The following DPP10 variants were observed in gnomAD, a reference collection of about 807,000 sequenced individuals.
DPP10 encodes the protein inactive dipeptidyl peptidase 10.
A neutral mutation model predicts 120.9 loss-of-function variants in DPP10; 33 were observed. That is an observed-to-expected ratio of 0.27 (90% confidence interval 0.21 to 0.37). The LOEUF (loss-of-function observed/expected upper bound fraction) is 0.37, where lower values mean the gene tolerates loss of function less well. Ranked by LOEUF, DPP10 falls within the 10% of genes least tolerant of loss-of-function variation. DPP10 has a pLI of 1.00. For synonymous variants in DPP10, 337 were observed against 326.1 expected (o/e 1.03, Z -0.36); for missense variants, 816 against 942.8 (o/e 0.87, Z 1.76).
intron 13 of DPP10, among the ~76,000 whole-genome samples, chr2:115,775,421 A>G (rs1361487725): frequency 6.6e-6 from 1 of 152,066 alleles, no homozygotes; most frequent in East Asian, 1.9e-4. Flanking sequence ...TATTAAAAGA[A>G]TACTATGAAT....
At position 115,840,326 on chromosome 2, in the gene DPP10, T is replaced by TG. The variant is rs1559227870; in HGVS notation, c.2183-424_2183-423insG. Among the ~76,000 whole-genome samples the TG allele has an allele frequency of 2.4e-4, 27 of 112,164 alleles. 2 individuals carry two copies. Among genetic ancestry groups the TG allele is most frequent in the African/African-American group, 1.0e-3 (26 of 25,904 alleles). 73.6% of individuals were successfully genotyped at this position (112,164 alleles called of 152,430 possible). On this transcript the variant is annotated intron_variant, in intron 24 of 25. Transcript: ENST00000410059. ...CAGATATAAGGTTTTTTGGTTTTTT[T>TG]TTTTTTTTTTTTTTTGAGACGGAGT...
intron 1 of DPP10, among the ~76,000 whole-genome samples, chr2:115,169,896 A>AT (rs1014122062): frequency 2.0e-5 from 3 of 152,184 alleles, no homozygotes; most frequent in African/African-American, 7.2e-5. Flanking sequence ...GATAAAAGCT[A>AT]TTTTTATTAT....
chr2:114,813,474 T>A (rs1402156842), intron 1 of DPP10, among the ~76,000 whole-genome samples: 2 of 152,192 alleles, frequency 1.3e-5, no homozygotes, highest in East Asian at 3.9e-4. Context: ...TACTTTGGCT[T>A]GTGCTCTTAG....
chr2:114,702,569 G>A (rs184403140), intron 1 of DPP10, among the ~76,000 whole-genome samples: 97 of 152,100 alleles, frequency 6.4e-4, no homozygotes, highest in Non-Finnish European at 9.6e-4. Context: ...CTGTTACCTC[G>A]TATACTTGGC....
At chr2:114,478,265 A>T (rs1477824006) in intron 1 of DPP10, among the ~76,000 whole-genome samples, 2 of 152,094 alleles carry the variant, frequency 1.3e-5, no homozygotes, top group African/African-American at 4.8e-5. Flanking sequence ...CTGGCTTAAC[A>T]TTCAAAAATC....
At chr2:115,560,445 T>TATATATATATATAC (rs1359773531) in intron 5 of DPP10, among the ~76,000 whole-genome samples, 3 of 86,252 alleles carry the variant, frequency 3.5e-5, no homozygotes, top group South Asian at 4.4e-4. Context: ...TATATATATA[T>TATATATATATATAC]ACGACAAGCT....
At chr2:114,970,149 G>A (rs1273364364) in intron 1 of DPP10, among the ~76,000 whole-genome samples, 1 of 152,040 alleles carries the variant, frequency 6.6e-6, no homozygotes, top group African/African-American at 2.4e-5. Flanking sequence ...AGCTTAGCCT[G>A]GAGCATGCAC....
At chr2:115,208,908 A>G (rs903343417) in intron 1 of DPP10, among the ~76,000 whole-genome samples, 3 of 152,146 alleles carry the variant, frequency 2.0e-5, no homozygotes, top group African/African-American at 4.8e-5. Flanking sequence ...TTTACACCTA[A>G]TACTTGACCC....
intron 1 of DPP10, among the ~76,000 whole-genome samples, chr2:115,183,625 A>G (rs1183820779): frequency 6.6e-6 from 1 of 152,188 alleles, no homozygotes; most frequent in Non-Finnish European, 1.5e-5. Flanking sequence ...AATCTTTATT[A>G]AGTTGATTGG....
At chr2:115,714,316 G>A (rs2092419796) in intron 7 of DPP10, among the ~76,000 whole-genome samples, 2 of 152,202 alleles carry the variant, frequency 1.3e-5, no homozygotes, top group Non-Finnish European at 2.9e-5. Context: ...TTCCACTAGA[G>A]CAGAATGCAA....
intron 17 of DPP10, among the ~76,000 whole-genome samples, chr2:115,782,805 A>T (rs1325827118): frequency 6.6e-6 from 1 of 152,072 alleles, no homozygotes; most frequent in Non-Finnish European, 1.5e-5. Context: ...TATATTTTCT[A>T]TCCTGTTTGT....
chr2:114,938,498 AT>A (rs1696649780), intron 1 of DPP10, among the ~76,000 whole-genome samples: 1 of 152,118 alleles, frequency 6.6e-6, no homozygotes, highest in Admixed American at 6.6e-5. Flanking sequence ...TGATCAAATA[AT>A]TTTTATTTTC....
chr2:115,388,321 T>G (rs140179204), intron 3 of DPP10, among the ~76,000 whole-genome samples: 55 of 152,342 alleles, frequency 3.6e-4, no homozygotes, highest in African/African-American at 1.1e-3. Flanking sequence ...TTGGATTTTA[T>G]TCTACGCGTG....
intron 1 of DPP10, among the ~76,000 whole-genome samples, chr2:115,205,208 A>G (rs375173776): frequency 1.3e-5 from 2 of 152,216 alleles, no homozygotes; most frequent in East Asian, 3.9e-4. Context: ...TTTCTTCTAT[A>G]ATTTTTGTAG....
At chr2:115,194,461 A>T (rs1463904753) in intron 1 of DPP10, among the ~76,000 whole-genome samples, 1 of 152,146 alleles carries the variant, frequency 6.6e-6, no homozygotes, top group Non-Finnish European at 1.5e-5. Flanking sequence ...ACGGGTTGCC[A>T]GTGGCCTTCG....
rs1385373602 is a variant in DPP10 at position 115,011,273 on chromosome 2, CA to C, written c.61-297965del. ...TCTGCTGTTGTACAGTGGGGTGTTC[CA>C]GAAATGTCAATTAGGACAAGTGGAT... is the stretch of plus-strand genomic sequence containing the variant. On this transcript the variant is annotated intron_variant, in intron 1 of 25. Coordinates refer to ENST00000410059, the MANE Select transcript of DPP10 (RefSeq NM_020868.6). 7.2e-5 allele frequency among the ~76,000 whole-genome samples: 11 copies of C among 152,158 alleles called. No homozygotes were observed. In the East Asian group the frequency reaches 2.1e-3, roughly 29 times the overall value.
At chr2:115,098,147 C>G (rs377651844) in intron 1 of DPP10, among the ~76,000 whole-genome samples, 2 of 152,140 alleles carry the variant, frequency 1.3e-5, no homozygotes, top group Non-Finnish European at 2.9e-5. Flanking sequence ...TGGGTGCACA[C>G]GCATGGTTGT....
intron 1 of DPP10, among the ~76,000 whole-genome samples, chr2:115,191,232 G>A (rs867477887): frequency 1.2e-4 from 18 of 152,156 alleles, no homozygotes; most frequent in African/African-American, 1.9e-4. Flanking sequence ...TAGCTGGGGC[G>A]GTCCATCCTT....
At chr2:114,472,969 G>A (rs968949497) in intron 1 of DPP10, among the ~76,000 whole-genome samples, 1 of 152,164 alleles carries the variant, frequency 6.6e-6, no homozygotes, top group Non-Finnish European at 1.5e-5. Context: ...CCAACTTAGA[G>A]TGCCTCATCA....
Sources: allele counts gnomAD v4.1 joint callset (sites outside exome capture counted in the v4.1 genomes callset), GRCh38; gene constraint gnomAD v4.1.1; transcripts MANE v1.5; gene names NCBI Gene and HGNC (gene_info 2026-07-23, HGNC 2026-07-21).